ENTHD1: variants seen among roughly 807,000 people sequenced by gnomAD.
ENTHD1 encodes ENTH domain-containing protein 1.
ENTHD1 carries 23 observed loss-of-function variants against 39.1 expected under a neutral mutation model. That is an observed-to-expected ratio of 0.59 (90% CI 0.42 to 0.83). The LOEUF (loss-of-function observed/expected upper bound fraction) is 0.83. Ranked by LOEUF, ENTHD1 falls within the 40% of genes least tolerant of loss-of-function variation. The pLI is 0.00. For synonymous variants in ENTHD1, 230 were observed against 258.2 expected (o/e 0.89, Z 1.05); for missense variants, 624 against 705.4 (o/e 0.88, Z 1.31).
intron 1 of ENTHD1, among the ~76,000 whole-genome samples, chr22:39,892,326 C>G (rs974149362): frequency 5.9e-5 from 9 of 152,194 alleles, no homozygotes; most frequent in Admixed American, 5.9e-4. Flanking sequence ...TGGCATTAAA[C>G]TATTGGTCCA....
intron 4 of ENTHD1, 65 bp downstream of exon 4, chr22:39,835,775 G>T: frequency 8.6e-7 from 1 of 1,164,260 alleles, no homozygotes; most frequent in Non-Finnish European, 1.2e-6. Flanking sequence ...TAATAAATTT[G>T]TTTGTTTTAA....
intron 5 of ENTHD1, 103 bp downstream of exon 5, chr22:39,820,890 C>T: frequency 7.9e-7 from 1 of 1,265,034 alleles, no homozygotes; most frequent in East Asian, 2.4e-5. Flanking sequence ...TTTATCCATG[C>T]TAGTTCTGTC....
chr22:39,841,705 G>T (rs1218296756), intron 3 of ENTHD1, among the ~76,000 whole-genome samples: 6 of 150,202 alleles, frequency 4.0e-5, no homozygotes, highest in Non-Finnish European at 9.0e-5. Flanking sequence ...GCCAGTCTGT[G>T]TCTTTTAATT....
intron 6 of ENTHD1, chr22:39,750,206 A>G (rs772007807): frequency 1.5e-4 from 31 of 202,770 alleles, no homozygotes; most frequent in Non-Finnish European, 2.8e-4. Context: ...AATACTGTTC[A>G]TATTAATGAG....
intron 2 of ENTHD1, among the ~76,000 whole-genome samples, chr22:39,877,855 G>C (rs958637698): frequency 1.3e-5 from 2 of 151,986 alleles, no homozygotes; most frequent in Non-Finnish European, 2.9e-5. Context: ...ATCACTAAAG[G>C]CTTATTTACC....
intron 3 of ENTHD1, among the ~76,000 whole-genome samples, chr22:39,846,813 T>C (rs911048324): frequency 1.3e-5 from 2 of 152,072 alleles, no homozygotes; most frequent in Non-Finnish European, 2.9e-5. Context: ...TCACTGGCCA[T>C]CAGAGAAATG....
At chr22:39,842,865 AT>A (rs1364225196) in intron 3 of ENTHD1, among the ~76,000 whole-genome samples, 1 of 148,426 alleles carries the variant, frequency 6.7e-6, no homozygotes, top group Non-Finnish European at 1.5e-5. Context: ...AAAAATGCTC[AT>A]CATCACTGGC....
At chr22:39,868,592 A>C (rs1299230308) in intron 2 of ENTHD1, among the ~76,000 whole-genome samples, 1 of 152,186 alleles carries the variant, frequency 6.6e-6, no homozygotes, top group African/African-American at 2.4e-5. Context: ...AAGTCCTCAA[A>C]AGCAACTGCA....
At chr22:39,838,225 AT>A (rs1186745960) in intron 3 of ENTHD1, among the ~76,000 whole-genome samples, 1 of 152,072 alleles carries the variant, frequency 6.6e-6, no homozygotes, top group Non-Finnish European at 1.5e-5. Context: ...TTTAGTATGA[AT>A]TTTTTTGGTA....
At chr22:39,811,289 T>C (rs1190600303) in intron 5 of ENTHD1, among the ~76,000 whole-genome samples, 1 of 151,126 alleles carries the variant, frequency 6.6e-6, no homozygotes, top group Non-Finnish European at 1.5e-5. Context: ...CAGTTTTGAG[T>C]GAGGACCAAA....
chr22:39,830,782 A>G (rs2065863072), intron 4 of ENTHD1, among the ~76,000 whole-genome samples: 1 of 152,210 alleles, frequency 6.6e-6, no homozygotes, highest in African/African-American at 2.4e-5. Flanking sequence ...AACAAACAGA[A>G]AAACGAATTA....
chr22:39,803,334 C>T lies in ENTHD1; in HGVS notation c.832+17659G>A, dbSNP rs150967002. The stretch of plus-strand genomic sequence containing the variant: ...CCTTTCCAGGTTTCTTCATCCTTCT[C>T]GTCTCACCTCATAACATCTCTGCAT... On this transcript the variant is annotated intron_variant, in intron 5 of 6. Transcript: ENST00000325157. Among the ~76,000 whole-genome samples the T allele has an allele frequency of 2.7e-3, 405 of 152,036 alleles. 1 individual carries two copies. Among genetic ancestry groups the T allele is most frequent in the African/African-American group, 9.3e-3 (387 of 41,472 alleles).
chr22:39,821,131 AACAT>A lies in ENTHD1; in HGVS notation c.712-22_712-19del. On this transcript the variant is annotated intron_variant, in intron 4 of 6. Coordinates refer to ENST00000325157, the MANE Select transcript of ENTHD1 (RefSeq NM_152512.4). ...ATCAGGTCCTGACAGAAAACACAAG[AACAT>A]GAGAATTGAAGAAAAAAATTAATAT... 3.1e-6 allele frequency: 5 copies of A among 1,613,052 alleles called. No individual in the cohort carries two copies. The highest frequency in any genetic ancestry group is 4.2e-6 in the Non-Finnish European group (5 of 1,179,594).
chr22:39,874,965 C>A (rs1479436407), intron 2 of ENTHD1, among the ~76,000 whole-genome samples: 1 of 152,096 alleles, frequency 6.6e-6, no homozygotes, highest in Non-Finnish European at 1.5e-5. Context: ...GTTTCTACAA[C>A]CCAGAAATTT....
chr22:39,830,027 C>T (rs924831972), intron 4 of ENTHD1, among the ~76,000 whole-genome samples: 3 of 152,064 alleles, frequency 2.0e-5, no homozygotes, highest in African/African-American at 4.8e-5. Flanking sequence ...ACTACAGACA[C>T]ACATCACTAT....
Position 39,785,601 on chromosome 22 carries a change from C to T in ENTHD1, c.833-19992G>A, listed in dbSNP as rs559034765. On this transcript the variant is annotated intron_variant, in intron 5 of 6. Transcript: ENST00000325157. Reference sequence around the variant, plus strand: ...GTGGCCATCCATGCCGTCTGTATGGCGGGTCCAAATGCTGGCTTTCTCATA... The same window carrying T: ...GTGGCCATCCATGCCGTCTGTATGGTGGGTCCAAATGCTGGCTTTCTCATA... Among the ~76,000 whole-genome samples, 17 of 152,234 alleles carry T rather than the reference C, an allele frequency of 1.1e-4. 1 individual carries two copies. The highest frequency in any genetic ancestry group is 3.4e-4 in the African/African-American group (14 of 41,526).
Position 39,887,401 on chromosome 22 carries a change from T to G in ENTHD1, c.348A>C (p.Gln116His). The G allele has an allele frequency of 6.2e-7, 1 of 1,602,520 alleles. No homozygotes were observed. Among genetic ancestry groups the G allele is most frequent in the Non-Finnish European group, 8.5e-7 (1 of 1,174,540 alleles). ...FQHIDEAGKD[Q>H]GYYIREKSKQ... ...TATATAAACTTCTTTAACCATTACC[T>G]TGGTCTTTTCCAGCTTCATCTATGT... The change falls in exon 2 of 7, where the codon CAA (glutamine) becomes CAC (histidine). Residue 116 changes from glutamine (Q) to histidine (H), a missense_variant and splice_region_variant. Physicochemically the swap from Gln to His is conservative, Grantham distance 24. Transcript: ENST00000325157.
At chr22:39,870,718 A>T (rs1473920596) in intron 2 of ENTHD1, among the ~76,000 whole-genome samples, 1 of 152,202 alleles carries the variant, frequency 6.6e-6, no homozygotes, top group Non-Finnish European at 1.5e-5. Context: ...CTTCCACCAC[A>T]GAAAGAGAAG....
chr22:39,874,285 A>C (rs2066268717), intron 2 of ENTHD1: 1 of 152,152 alleles, frequency 6.6e-6, no homozygotes, highest in Non-Finnish European at 1.5e-5. Context: ...GAAAATTACC[A>C]ACTTAAAACT....
Sources: allele counts gnomAD v4.1 joint callset (sites outside exome capture counted in the v4.1 genomes callset), GRCh38; gene constraint gnomAD v4.1.1; transcripts MANE v1.5; gene names NCBI Gene and HGNC (gene_info 2026-07-23, HGNC 2026-07-21).